DRC3: variants seen among roughly 807,000 people sequenced by gnomAD.
The protein encoded by DRC3 is dynein regulatory complex subunit 3.
In DRC3, 45 loss-of-function variants were observed where a neutral mutation model predicts 57.6. The observed-to-expected ratio is 0.78, with a 90% confidence interval of 0.62 to 1.00. The LOEUF is 1.00. Among genes scored for constraint, DRC3 ranks in the 50% least tolerant of loss-of-function variants. DRC3 has a pLI of 0.00. For synonymous variants in DRC3, 257 were observed against 272.3 expected, an observed-to-expected ratio of 0.94 and a Z score of 0.55; for missense variants, 655 against 675.2, an observed-to-expected ratio of 0.97 and a Z score of 0.33.
intron 11 of DRC3, 132 bp from the exon 12 acceptor site, chr17:18,006,892 G>T: frequency 7.0e-7 from 1 of 1,425,124 alleles, no homozygotes; most frequent in Non-Finnish European, 9.4e-7. Context: ...CGGAGCTTGT[G>T]AGTGGACGGT....
chr17:18,001,544 G>A (rs183622157), intron 9 of DRC3, among the ~76,000 whole-genome samples: 144 of 152,234 alleles, frequency 9.5e-4, no homozygotes, highest in South Asian at 2.5e-3. Flanking sequence ...GGAGCTCTTT[G>A]TAGATTGTGT....
At chr17:17,981,012 T>C (rs926826812) in intron 3 of DRC3, among the ~76,000 whole-genome samples, 49 of 152,370 alleles carry the variant, frequency 3.2e-4, no homozygotes, top group African/African-American at 1.2e-3. Flanking sequence ...TACTGAGTTC[T>C]CATTAACCTC....
intron 5 of DRC3, among the ~76,000 whole-genome samples, chr17:17,990,079 A>G (rs2043156791): frequency 6.6e-6 from 1 of 152,186 alleles, no homozygotes; most frequent in Non-Finnish European, 1.5e-5. Flanking sequence ...GTTGCAGTCA[A>G]GGACACGGGC....
At chr17:17,973,532 T>C (rs1221051838) in intron 1 of DRC3, 1 of 152,242 alleles carries the variant, frequency 6.6e-6, no homozygotes, top group African/African-American at 2.4e-5. Context: ...GGAGCTTACA[T>C]GTACTTAAAT....
At chr17:18,002,047 A>G (rs2043757260) in intron 9 of DRC3, among the ~76,000 whole-genome samples, 1 of 152,092 alleles carries the variant, frequency 6.6e-6, no homozygotes, top group African/African-American at 2.4e-5. Context: ...AGGCACCTAT[A>G]ATCCCAGCTA....
chr17:18,015,645 G>A (rs1052024741), intron 12 of DRC3: 26 of 174,832 alleles, frequency 1.5e-4, no homozygotes, highest in Non-Finnish European at 3.2e-4. Flanking sequence ...GCTGTCTTCA[G>A]AGCAGCCTCG....
chr17:18,015,318 C>CA (rs2044318242), intron 12 of DRC3: 1 of 152,210 alleles, frequency 6.6e-6, no homozygotes, highest in African/African-American at 2.4e-5. Flanking sequence ...ACAGAGCATT[C>CA]AGGTGCTCTG....
intron 2 of DRC3, among the ~76,000 whole-genome samples, chr17:17,974,577 A>G (rs1324487033): frequency 6.6e-6 from 1 of 152,030 alleles, no homozygotes; most frequent in Non-Finnish European, 1.5e-5. Flanking sequence ...CTTTCCAGGG[A>G]TTCTAGGATA....
intron 3 of DRC3, among the ~76,000 whole-genome samples, chr17:17,979,897 C>T (rs2042573909): frequency 6.6e-6 from 1 of 152,202 alleles, no homozygotes; most frequent in South Asian, 2.1e-4. Flanking sequence ...TCCCACCCAG[C>T]CCTGGGAACC....
chr17:17,995,697 A>G (rs2043429563), intron 8 of DRC3: 2 of 153,334 alleles, frequency 1.3e-5, no homozygotes, highest in Non-Finnish European at 2.9e-5. Context: ...GAGCTGAGGG[A>G]CTCAGGACAG....
intron 12 of DRC3, 189 bp from the exon 13 acceptor site, chr17:18,015,875 T>G: frequency 1.6e-6 from 1 of 613,248 alleles, no homozygotes; most frequent in Non-Finnish European, 2.8e-6. Context: ...CCCTGTGCAG[T>G]TGGGGAAGCG....
intron 9 of DRC3, among the ~76,000 whole-genome samples, chr17:17,999,447 T>C (rs1213629424): frequency 1.3e-5 from 2 of 152,172 alleles, no homozygotes; most frequent in Non-Finnish European, 2.9e-5. Flanking sequence ...GGCCACTGAC[T>C]TGGAAGTTCC....
At chr17:17,985,210 G>T (rs905450694) in intron 4 of DRC3, among the ~76,000 whole-genome samples, 2 of 152,168 alleles carry the variant, frequency 1.3e-5, no homozygotes, top group Admixed American at 6.5e-5. Flanking sequence ...TACTGGTCTT[G>T]GTTCCCTCCC....
chr17:17,984,742 C>T lies in DRC3; in HGVS notation c.277+798C>T, dbSNP rs111336401. 8.1e-3 allele frequency among the ~76,000 whole-genome samples: 1,231 copies of T among 152,294 alleles called. 18 individuals are homozygous for T. Among genetic ancestry groups the T allele is most frequent in the African/African-American group, 0.028 (1,184 of 41,556 alleles). On this transcript the variant is annotated intron_variant, in intron 4 of 13. Coordinates refer to ENST00000399187, the MANE Select transcript of DRC3 (RefSeq NM_031294.4). ...GTATCAGAGCTGGGACTCACCCCCA[C>T]GCCTGTCTGACCTCACAGCCCACAT...
chr17:17,988,250 G>GCAAATCCCTCAT, intron 5 of DRC3, 152 bp downstream of exon 5: 1 of 826,190 alleles, frequency 1.2e-6, no homozygotes, highest in Non-Finnish European at 1.8e-6. Flanking sequence ...TACTCCATGA[G>GCAAATCCCTCAT]GGATTTGCTC....
intron 2 of DRC3, chr17:17,977,340 A>G (rs530199234): frequency 7.5e-5 from 37 of 495,294 alleles, no homozygotes; most frequent in Admixed American, 2.4e-4. Flanking sequence ...CGAGGGTCCC[A>G]GCTGTGGCTG....
chr17:17,980,594 ATTTTTTTT>A (rs35688948), intron 3 of DRC3, among the ~76,000 whole-genome samples: 1 of 108,480 alleles, frequency 9.2e-6, no homozygotes, highest in Non-Finnish European at 1.8e-5. Context: ...TGCGCCCAGC[ATTTTTTTT>A]TTTTTTTTTT....
chr17:17,980,445 C>T (rs1223947840), intron 3 of DRC3, among the ~76,000 whole-genome samples: 1 of 151,956 alleles, frequency 6.6e-6, no homozygotes, highest in Non-Finnish European at 1.5e-5. Flanking sequence ...CAGGCATATG[C>T]GGCCACGCCT....
At chr17:17,987,876 G>A in intron 4 of DRC3, 56 bp from the exon 5 acceptor site, 1 of 1,578,784 alleles carries the variant, frequency 6.3e-7, no homozygotes, top group Non-Finnish European at 8.6e-7. Context: ...TTTATTTCAG[G>A]ACAGCCCATC....
Sources: gnomAD v4.1 joint callset for allele counts (sites outside exome capture counted in the v4.1 genomes callset) on GRCh38, gnomAD v4.1.1 for gene constraint, MANE v1.5 for transcripts, NCBI Gene and HGNC (gene_info 2026-07-23, HGNC 2026-07-21) for gene names.